The following N4BP2L2 variants were observed in gnomAD, a reference collection of about 807,000 sequenced individuals.
N4BP2L2 encodes NEDD4 binding protein 2 like 2.
Under a neutral mutation model 56.2 loss-of-function variants are expected in N4BP2L2, and 50 were observed. The ratio of observed to expected loss-of-function variants is 0.89; its 90% CI spans 0.71 to 1.13. N4BP2L2 has a LOEUF of 1.13. N4BP2L2 is among the 50% of genes most tolerant of loss of function. The pLI is 0.00. For synonymous variants in N4BP2L2, 203 were observed against 223.6 expected (o/e 0.91, Z 0.82); for missense variants, 689 against 693.8 (o/e 0.99, Z 0.08).
At chr13:32,532,590 CT>C (rs759146834) in intron 2 of N4BP2L2, among the ~76,000 whole-genome samples, 7,330 of 128,338 alleles carry the variant, frequency 0.057, 588 homozygotes, top group African/African-American at 0.19. Context: ...TTTCTTTTTT[CT>C]TTTTTTTTTT....
At chr13:32,518,617 A>G (rs1411474041) in intron 5 of N4BP2L2, among the ~76,000 whole-genome samples, 1 of 152,140 alleles carries the variant, frequency 6.6e-6, no homozygotes, top group Admixed American at 6.6e-5. Context: ...CCTGCCCCCA[A>G]ACTATGATAT....
chr13:32,536,459 T>C (rs769625119), exon 2 of N4BP2L2: 2 of 1,613,078 alleles, frequency 1.2e-6, no homozygotes. Flanking sequence ...ACAACTGTTC[T>C]CAAAACCATC....
chr13:32,521,323 C>T (rs753724368), intron 5 of N4BP2L2, 50 bp downstream of exon 5: 51 of 1,358,086 alleles, frequency 3.8e-5, no homozygotes, highest in Non-Finnish European at 5.1e-5. Context: ...TCAGAATTCA[C>T]AAAAGAAAGA....
chr13:32,472,462 CTT>C (rs1228602925), intron 6 of N4BP2L2, among the ~76,000 whole-genome samples: 1 of 152,012 alleles, frequency 6.6e-6, no homozygotes, highest in South Asian at 2.1e-4. Context: ...AGAACAGTTT[CTT>C]TTTTTTCCCC....
chr13:32,467,070 A>T (rs1212670865), intron 6 of N4BP2L2, among the ~76,000 whole-genome samples: 1 of 152,246 alleles, frequency 6.6e-6, no homozygotes, highest in African/African-American at 2.4e-5. Context: ...TAGATAAATT[A>T]TTAGGTTGAT....
chr13:32,462,879 A>T (rs1310115692), intron 6 of N4BP2L2, among the ~76,000 whole-genome samples: 12 of 148,088 alleles, frequency 8.1e-5, no homozygotes, highest in African/African-American at 2.7e-4. Flanking sequence ...AAAAAAAAAA[A>T]AAAAAAAAAA....
chr13:32,516,241 T>C (rs1017788010), exon 6 of N4BP2L2: 3 of 152,150 alleles, frequency 2.0e-5, no homozygotes, highest in Non-Finnish European at 4.4e-5. Flanking sequence ...AATAAAAGAA[T>C]ATATGAAAAC....
At chr13:32,457,168 A>C (rs956584022) in intron 6 of N4BP2L2, among the ~76,000 whole-genome samples, 5 of 152,144 alleles carry the variant, frequency 3.3e-5, no homozygotes, top group African/African-American at 1.2e-4. Flanking sequence ...AATCAAACCA[A>C]TAACTAACTA....
intron 6 of N4BP2L2, among the ~76,000 whole-genome samples, chr13:32,458,927 A>G (rs2079488325): frequency 6.6e-6 from 1 of 152,190 alleles, no homozygotes; most frequent in Non-Finnish European, 1.5e-5. Context: ...AAAAACTGTA[A>G]TCATATCAAG....
At position 32,520,486 on chromosome 13, in the gene N4BP2L2, G is replaced by A. The variant is rs756739592; in HGVS notation, c.1550+887C>T. 1.1e-4 allele frequency among the ~76,000 whole-genome samples: 17 copies of A among 151,742 alleles called. 1 individual carries two copies. Among genetic ancestry groups the A allele is most frequent in the Middle Eastern group, 6.8e-3 (2 of 292 alleles). The stretch of plus-strand genomic sequence containing the variant: ...ATCCTGGCTAACACGGTGAAACCCC[G>A]TCTCTACTAAAAATACAAAAAAATT... On this transcript the variant is annotated intron_variant, in intron 5 of 5. Coordinates refer to ENST00000267068, the Ensembl canonical transcript of N4BP2L2.
intron 9 of N4BP2L2, among the ~76,000 whole-genome samples, chr13:32,433,575 G>T (rs1043178703): frequency 1.3e-5 from 2 of 151,998 alleles, no homozygotes; most frequent in Non-Finnish European, 2.9e-5. Context: ...GGAGGTTGCA[G>T]TGAGCCACTG....
chr13:32,503,088 G>A (rs959620161), intron 6 of N4BP2L2, among the ~76,000 whole-genome samples: 10 of 142,918 alleles, frequency 7.0e-5, no homozygotes, highest in South Asian at 6.5e-4. Flanking sequence ...CAGGAGAATC[G>A]CTTGAACCCA....
intron 6 of N4BP2L2, among the ~76,000 whole-genome samples, chr13:32,461,679 T>C (rs187898267): frequency 2.6e-5 from 4 of 152,352 alleles, no homozygotes; most frequent in Admixed American, 2.6e-4. Context: ...TATAGTTCAC[T>C]GCAGCCTTGA....
intron 6 of N4BP2L2, among the ~76,000 whole-genome samples, chr13:32,483,676 TA>T (rs2085238585): frequency 2.0e-5 from 3 of 152,218 alleles, no homozygotes; most frequent in African/African-American, 7.2e-5. Flanking sequence ...AACTAATTTC[TA>T]AAATAATAAT....
At chr13:32,492,923 T>G (rs558215376) in intron 6 of N4BP2L2, among the ~76,000 whole-genome samples, 9 of 144,370 alleles carry the variant, frequency 6.2e-5, no homozygotes, top group East Asian at 4.0e-4. Flanking sequence ...TCTGTTTTTT[T>G]TTTTTTTTTT....
intron 6 of N4BP2L2, among the ~76,000 whole-genome samples, chr13:32,501,025 C>A (rs1316512937): frequency 6.6e-6 from 1 of 152,036 alleles, no homozygotes; most frequent in African/African-American, 2.4e-5. Context: ...TGCATCACGA[C>A]GCCCAGCTAA....
exon 7 of N4BP2L2, chr13:32,442,768 A>G (rs2076562498): frequency 1.9e-6 from 3 of 1,613,570 alleles, no homozygotes; most frequent in Non-Finnish European, 2.5e-6. Flanking sequence ...ATTTTTGTAT[A>G]AAGATGCAGA....
intron 6 of N4BP2L2, among the ~76,000 whole-genome samples, chr13:32,477,002 C>G (rs2083472745): frequency 1.3e-5 from 2 of 152,136 alleles, no homozygotes; most frequent in South Asian, 4.1e-4. Flanking sequence ...ATTTCTGCAA[C>G]CCGCAGTCAA....
Position 32,528,626 on chromosome 13 carries a change from G to A in N4BP2L2, c.1260-1094C>T, listed in dbSNP as rs115652430. On this transcript the variant is annotated intron_variant, in intron 2 of 5. Transcript: ENST00000267068. ...ATGATTTGGATCCAAGAACAACAACGAGAGTATTTTGTTGTTTCTCTCCTC... is the reference window on the plus strand; with the variant it reads ...ATGATTTGGATCCAAGAACAACAACAAGAGTATTTTGTTGTTTCTCTCCTC... Among the ~76,000 whole-genome samples the A allele has an allele frequency of 9.2e-3, 1,395 of 152,246 alleles. 25 individuals are homozygous for A. The highest frequency in any genetic ancestry group is 0.032 in the African/African-American group (1,324 of 41,534).
Sources: allele counts gnomAD v4.1 joint callset (sites outside exome capture counted in the v4.1 genomes callset), GRCh38; gene constraint gnomAD v4.1.1; transcripts MANE v1.5; gene names NCBI Gene and HGNC (gene_info 2026-07-23, HGNC 2026-07-21).